POLR1C: variants seen among roughly 807,000 people sequenced by gnomAD.
The protein encoded by POLR1C is DNA-directed RNA polymerases I and III subunit RPAC1.
A neutral mutation model predicts 38.3 loss-of-function variants in POLR1C; 42 were observed. The observed-to-expected ratio is 1.10, with a 90% CI of 0.86 to 1.42. The LOEUF is 1.42. Among genes scored for constraint, POLR1C ranks in the 40% most tolerant of loss-of-function variants. The pLI, the probability that POLR1C is intolerant of heterozygous loss-of-function variation, is 0.00. For missense variants in POLR1C, 507 were observed against 450.5 expected, an observed-to-expected ratio of 1.13 and a Z score of -1.14; for synonymous variants, 163 against 163.9, an observed-to-expected ratio of 0.99 and a Z score of 0.04.
intron 9 of POLR1C, among the ~76,000 whole-genome samples, chr6:43,544,925 T>C (rs939488476): frequency 6.6e-6 from 1 of 152,142 alleles, no homozygotes; most frequent in Non-Finnish European, 1.5e-5. Flanking sequence ...CAGGCTGGAG[T>C]GCAGTGGCGT....
At chr6:43,525,714 A>G (rs1793541385), downstream of POLR1C, 2 of 1,029,186 alleles carry the variant, frequency 1.9e-6, no homozygotes, top group East Asian at 5.3e-5. Flanking sequence ...GGCCTTTGGA[A>G]CCAGGAACTT....
chr6:43,530,647 T>C (rs979683523), downstream of POLR1C: 1 of 1,603,402 alleles, frequency 6.2e-7, no homozygotes, highest in Non-Finnish European at 8.5e-7. Flanking sequence ...CTCTCTAATT[T>C]TCTGACCTTT....
At chr6:43,561,199 T>C (rs925938517) in intron 10 of POLR1C, among the ~76,000 whole-genome samples, 11 of 152,080 alleles carry the variant, frequency 7.2e-5, no homozygotes, top group Non-Finnish European at 1.3e-4. Flanking sequence ...TACTCAATCA[T>C]CATCATTACT....
At chr6:43,532,093 C>T (rs564169583), downstream of POLR1C, among the ~76,000 whole-genome samples, 1 of 152,290 alleles carries the variant, frequency 6.6e-6, no homozygotes, top group African/African-American at 2.4e-5. Context: ...TTCTGGTTGG[C>T]CACTTATTTC....
At chr6:43,534,023 A>G (rs1378885755), downstream of POLR1C, 2 of 1,581,092 alleles carry the variant, frequency 1.3e-6, no homozygotes, top group East Asian at 2.3e-5. Context: ...AGAAACAAGA[A>G]TGCTATTGAG....
chr6:43,528,625 G>A (rs1183765818), intron 8 of POLR1C, among the ~76,000 whole-genome samples: 1 of 152,156 alleles, frequency 6.6e-6, no homozygotes, highest in Admixed American at 6.5e-5. Flanking sequence ...AACTGAAGCT[G>A]TCTTGTGGCA....
At chr6:43,560,197 G>C in intron 10 of POLR1C, 2 of 1,612,600 alleles carry the variant, frequency 1.2e-6, no homozygotes, top group Non-Finnish European at 1.7e-6. Flanking sequence ...GTTAGTCATG[G>C]AAGCACGAAG....
chr6:43,521,186 T>C lies in POLR1C; in HGVS notation c.927T>C (p.Ser309=). 1 of 1,614,120 alleles carries C rather than the reference T, an allele frequency of 6.2e-7. No homozygotes were observed. The highest frequency in any genetic ancestry group is 8.5e-7 in the Non-Finnish European group (1 of 1,179,970). ...AAGTGTCTCTTTGGTCCCCAGTCTC[T>C]GTTGAGTCAACGGGGGTGTTGCCAC... ...LARVRDHYIF[S]VESTGVLPPD... is the part of the protein sequence containing the mutation. Residue 309 remains serine, a synonymous_variant, in exon 9 of 9, where the codon TCT becomes TCC. Coordinates refer to ENST00000642195, the MANE Select transcript of POLR1C (RefSeq NM_203290.4).
At position 43,560,408 on chromosome 6, in the gene POLR1C, A is replaced by G. The variant is rs1365859530; in HGVS notation, c.*49-992A>G. On this transcript the variant is annotated intron_variant, in intron 10 of 10. Coordinates refer to the POLR1C transcript ENST00000607635. Reference sequence around the variant, plus strand: ...CATTTTTTCATAGAAATAAATCTGTACAATACTTTGAAGCTGTCTCTACTG... The same window carrying G: ...CATTTTTTCATAGAAATAAATCTGTGCAATACTTTGAAGCTGTCTCTACTG... 2.9e-6 allele frequency: 4 copies of G among 1,369,192 alleles called. No homozygotes were observed. The African/African-American group carries it at 5.9e-5, about 20-fold the overall frequency. 84.8% of individuals were successfully genotyped at this position (1,369,192 alleles called of 1,614,324 possible).
chr6:43,529,927 A>AAAAAAG (rs58315355), downstream of POLR1C, among the ~76,000 whole-genome samples: 2 of 150,586 alleles, frequency 1.3e-5, no homozygotes, highest in African/African-American at 4.9e-5. Context: ...AAAAAAAAAA[A>AAAAAAG]GTGCTTCTAA....
At chr6:43,527,747 G>C in intron 8 of POLR1C, 1 of 1,613,736 alleles carries the variant, frequency 6.2e-7, no homozygotes, top group Non-Finnish European at 8.5e-7. Context: ...GAAAACCAGG[G>C]GGCCAAGTTC....
downstream of POLR1C, among the ~76,000 whole-genome samples, chr6:43,532,966 G>A (rs928335736): frequency 6.6e-6 from 1 of 152,094 alleles, no homozygotes; most frequent in African/African-American, 2.4e-5. Flanking sequence ...CCAACATGGT[G>A]AAACCCTGTC....
At chr6:43,547,586 C>T (rs377469473) in intron 9 of POLR1C, 416 of 1,609,012 alleles carry the variant, frequency 2.6e-4, no homozygotes, top group Non-Finnish European at 3.3e-4. Flanking sequence ...AATGCCACTT[C>T]CCATTCCCAG....
intron 9 of POLR1C, chr6:43,549,676 A>G: frequency 7.0e-7 from 1 of 1,420,158 alleles, no homozygotes. Flanking sequence ...GCAAATTCAC[A>G]ATGATTTTTC....
chr6:43,525,985 G>A (rs765862995), downstream of POLR1C: 24 of 1,579,476 alleles, frequency 1.5e-5, no homozygotes, highest in Non-Finnish European at 1.9e-5. Context: ...ATCTTGTTCT[G>A]ACAGAAGCGC....
chr6:43,534,771 G>T (rs1378617538), intron 9 of POLR1C, among the ~76,000 whole-genome samples: 1 of 152,174 alleles, frequency 6.6e-6, no homozygotes, highest in Non-Finnish European at 1.5e-5. Context: ...GCCGAGGCTG[G>T]CGAATTACCT....
exon 11 of POLR1C, chr6:43,562,238 C>T: frequency 4.4e-6 from 7 of 1,598,670 alleles, no homozygotes; most frequent in Non-Finnish European, 6.0e-6. Context: ...AAAGCAAACA[C>T]TAGCTCACCA....
intron 9 of POLR1C, chr6:43,546,883 C>G: frequency 1.1e-6 from 1 of 883,778 alleles, no homozygotes; most frequent in Non-Finnish European, 1.7e-6. Flanking sequence ...TCCTCTGCTC[C>G]CCGGCAATCC....
chr6:43,523,704 TG>T, downstream of POLR1C: 1 of 1,065,610 alleles, frequency 9.4e-7, no homozygotes, highest in Non-Finnish European at 1.5e-6. Context: ...TAATTACTTC[TG>T]GTCCTGCACA....
Sources: allele counts gnomAD v4.1 joint callset (sites outside exome capture counted in the v4.1 genomes callset), GRCh38; gene constraint gnomAD v4.1.1; transcripts MANE v1.5; gene names NCBI Gene and HGNC (gene_info 2026-07-23, HGNC 2026-07-21).